CDYL: variants seen among roughly 807,000 people sequenced by gnomAD.
The protein encoded by CDYL is chromodomain Y like.
Under a neutral mutation model 47.3 loss-of-function variants are expected in CDYL, and 8 were observed. The ratio of observed to expected loss-of-function variants is 0.17; its 90% CI spans 0.10 to 0.31. The LOEUF is 0.31. Among genes scored for constraint, CDYL ranks in the 10% least tolerant of loss-of-function variants. CDYL has a pLI of 1.00. For missense variants in CDYL, 471 were observed against 701.4 expected (o/e 0.67, Z 3.71); for synonymous variants, 266 against 265.0 (o/e 1.00, Z -0.04).
At position 4,891,802 on chromosome 6, in the gene CDYL, T is replaced by C. The variant is rs759709338; in HGVS notation, c.114T>C (p.Thr38=). The C allele has an allele frequency of 1.2e-6, 2 of 1,614,130 alleles. No individual in the cohort carries two copies. The highest frequency in any genetic ancestry group is 2.2e-5 in the South Asian group (2 of 91,082). The change falls in exon 2 of 7, where the codon ACT becomes ACC. Residue 38 remains threonine, a synonymous_variant. Coordinates refer to ENST00000397588, the MANE Select transcript of CDYL (RefSeq NM_004824.4). ...AAGGCTATGACAGCGAGGACGACAC[T>C]TGGGAGCCGGAACAGCACCTCGTGA... ...RWKGYDSEDD[T]WEPEQHLVNC... is the part of the protein sequence containing the mutation.
chr6:4,716,872 G>T (rs1036850239), intron 2 of CDYL, among the ~76,000 whole-genome samples: 7 of 152,082 alleles, frequency 4.6e-5, no homozygotes, highest in African/African-American at 1.7e-4. Context: ...TCTGCAAGCC[G>T]AAAAAGACAG....
chr6:4,822,269 G>A (rs1001082917), intron 1 of CDYL, among the ~76,000 whole-genome samples: 3 of 152,210 alleles, frequency 2.0e-5, no homozygotes, highest in East Asian at 1.9e-4. Context: ...AAAGTGTTGG[G>A]ATTGTAGATG....
At chr6:4,872,235 C>T (rs908808064) in intron 1 of CDYL, among the ~76,000 whole-genome samples, 1 of 151,824 alleles carries the variant, frequency 6.6e-6, no homozygotes, top group Non-Finnish European at 1.5e-5. Flanking sequence ...GCTGTGAAAC[C>T]TGTCATGACC....
rs142089138 is a variant in CDYL, at chr6:4,728,259, T to C, written c.104-6503T>C. 1.1e-4 allele frequency among the ~76,000 whole-genome samples: 17 copies of C among 152,332 alleles called. 1 individual carries two copies. The East Asian group carries it at 1.9e-3, about 17-fold the overall frequency. On this transcript the variant is annotated intron_variant, in intron 2 of 8. Transcript: ENST00000328908. ...GTAGGCTGATCCACATCTGAGCCAATTGACTGGCTGCTTAGGAGGACTTTG... is the reference window on the plus strand; with the variant it reads ...GTAGGCTGATCCACATCTGAGCCAACTGACTGGCTGCTTAGGAGGACTTTG...
At chr6:4,861,581 C>A (rs185053183) in intron 1 of CDYL, among the ~76,000 whole-genome samples, 11 of 152,294 alleles carry the variant, frequency 7.2e-5, no homozygotes, top group Middle Eastern at 6.8e-3. Flanking sequence ...ACATAGTCCA[C>A]GTCTAATATG....
chr6:4,896,687 G>A (rs1762293604), intron 2 of CDYL, among the ~76,000 whole-genome samples: 1 of 152,196 alleles, frequency 6.6e-6, no homozygotes, highest in Non-Finnish European at 1.5e-5. Context: ...TCCACACTCA[G>A]ACACTTTTTA....
chr6:4,873,820 C>T (rs1761539645), intron 1 of CDYL, among the ~76,000 whole-genome samples: 1 of 152,136 alleles, frequency 6.6e-6, no homozygotes. Flanking sequence ...TTGAAACCGC[C>T]AAGTAGGAAC....
chr6:4,842,243 TATAA>T (rs1463487171), intron 1 of CDYL, among the ~76,000 whole-genome samples: 1 of 146,328 alleles, frequency 6.8e-6, no homozygotes, highest in East Asian at 1.9e-4. Flanking sequence ...CTAATATTAA[TATAA>T]ATAAAAATAA....
rs536644166 is a variant in CDYL at position 4,744,487 on chromosome 6, C to A, written c.186+9643C>A. On this transcript the variant is annotated intron_variant, in intron 3 of 8. Coordinates refer to the CDYL transcript ENST00000328908. ...CTTCAGCCTGGACAACAGAGCAAGACCCTGTCTCAAAAAAAAAAATTGCCA... is the reference window on the plus strand; with the variant it reads ...CTTCAGCCTGGACAACAGAGCAAGAACCTGTCTCAAAAAAAAAAATTGCCA... 1.7e-4 allele frequency among the ~76,000 whole-genome samples: 16 copies of A among 93,852 alleles called. No homozygotes were observed. The East Asian group carries it at 3.4e-3, about 20-fold the overall frequency. The allele number at this position is 93,852 out of a possible 152,430, so 61.6% of individuals were successfully genotyped here.
At chr6:4,856,438 C>A (rs111270985) in intron 1 of CDYL, among the ~76,000 whole-genome samples, 5 of 152,120 alleles carry the variant, frequency 3.3e-5, no homozygotes, top group Admixed American at 1.3e-4. Flanking sequence ...AGAGCCCAGT[C>A]GTGTCTGGCG....
intron 2 of CDYL, among the ~76,000 whole-genome samples, chr6:4,914,925 C>T (rs9378918): frequency 0.84 from 127,590 of 152,190 alleles, 53,692 homozygotes; most frequent in Admixed American, 0.89. Context: ...TGCAAGTGGA[C>T]GAGTCCAGGA....
chr6:4,900,801 A>AGATATATC (rs1561697572), intron 2 of CDYL, among the ~76,000 whole-genome samples: 56 of 76,566 alleles, frequency 7.3e-4, no homozygotes, highest in African/African-American at 3.1e-3. Flanking sequence ...ATATATATAT[A>AGATATATC]TATATATATA....
In CDYL at chr6:4,731,494, T is replaced by C. The variant is rs914210670; in HGVS notation, c.104-3268T>C. ...CCTTCCATTATGGATCCAAAAAACA[T>C]GTCTTGAAATGTTGCCTCCTGGCCG... On this transcript the variant is annotated intron_variant, in intron 2 of 8. Transcript: ENST00000328908. 3.9e-5 allele frequency among the ~76,000 whole-genome samples: 6 copies of C among 152,116 alleles called. No individual in the cohort carries two copies. The South Asian group carries it at 1.0e-3, about 26-fold the overall frequency.
In CDYL at chr6:4,861,749, T is replaced by C. The variant is rs189474240; in HGVS notation, c.25-29964T>C. On this transcript the variant is annotated intron_variant, in intron 1 of 6. Coordinates refer to ENST00000397588, the MANE Select transcript of CDYL (RefSeq NM_004824.4). ...TGTCACATGATCCAGTTTGTTGCCA[T>C]TGCGCAGTACTGTATCTGTCTCTTT... is the stretch of plus-strand genomic sequence containing the variant. 8.5e-5 allele frequency among the ~76,000 whole-genome samples: 13 copies of C among 152,326 alleles called. 1 individual carries two copies. The East Asian group carries it at 1.3e-3, about 16-fold the overall frequency.
In CDYL at chr6:4,733,642, CTGG is replaced by C. The variant is rs1461493789; in HGVS notation, c.104-1118_104-1116del. 7.2e-5 allele frequency among the ~76,000 whole-genome samples: 11 copies of C among 152,230 alleles called. No individual in the cohort carries two copies. In the East Asian group the frequency reaches 1.7e-3, roughly 24 times the overall value. ...ACTCAGTTTTAAGAGAAACTTCATTCTGGTCATTAAGACTCCATCTCAGGTATG... is the reference window on the plus strand; with the variant it reads ...ACTCAGTTTTAAGAGAAACTTCATTCTCATTAAGACTCCATCTCAGGTATG... On this transcript the variant is annotated intron_variant, in intron 2 of 8. Coordinates refer to the CDYL transcript ENST00000328908.
rs117806812 is a variant in CDYL at position 4,922,862 on chromosome 6, G to A, written c.692-12653G>A. ...CAGCGGGTGCCCAGCCTCGGGGTGC[G>A]TCTGATCACACACCACGGGGCCTGA... On this transcript the variant is annotated intron_variant, in intron 2 of 6. Coordinates refer to ENST00000397588, the MANE Select transcript of CDYL (RefSeq NM_004824.4). 8.8e-3 allele frequency among the ~76,000 whole-genome samples: 1,345 copies of A among 152,288 alleles called. 69 individuals are homozygous for A. The highest frequency in any genetic ancestry group is 0.072 in the Admixed American group (1,105 of 15,302).
At chr6:4,920,484 A>G (rs1261644390) in intron 2 of CDYL, among the ~76,000 whole-genome samples, 1 of 152,312 alleles carries the variant, frequency 6.6e-6, no homozygotes, top group African/African-American at 2.4e-5. Flanking sequence ...TCTGCTGCCA[A>G]GCCTCCGGCG....
At chr6:4,924,638 G>C (rs561895134) in intron 2 of CDYL, among the ~76,000 whole-genome samples, 5 of 152,210 alleles carry the variant, frequency 3.3e-5, no homozygotes, top group South Asian at 2.1e-4. Context: ...TAAGTTGGAT[G>C]GTTTTATTTT....
chr6:4,789,515 C>T (rs1049079381), intron 1 of CDYL, among the ~76,000 whole-genome samples: 4 of 152,168 alleles, frequency 2.6e-5, no homozygotes, highest in African/African-American at 7.2e-5. Context: ...GCATCTCCCC[C>T]ACTCCCAGTG....
Sources: gnomAD v4.1 joint callset for allele counts (sites outside exome capture counted in the v4.1 genomes callset) on GRCh38, gnomAD v4.1.1 for gene constraint, MANE v1.5 for transcripts, NCBI Gene and HGNC (gene_info 2026-07-23, HGNC 2026-07-21) for gene names.